Variants in ZNF283 observed in about 807,000 individuals in gnomAD.
ZNF283 encodes the protein zinc finger protein 283.
A neutral mutation model predicts 9.2 loss-of-function variants in ZNF283; 10 were observed. The ratio of observed to expected loss-of-function variants is 1.09; its 90% CI spans 0.67 to 1.85. The LOEUF is 1.85. Ranked by LOEUF, ZNF283 falls within the 40% of genes most tolerant of loss-of-function variation. The pLI, the probability that ZNF283 is intolerant of heterozygous loss-of-function variation, is 0.00. For missense variants in ZNF283, 631 were observed against 760.1 expected, an observed-to-expected ratio of 0.83 and a Z score of 2.00; for synonymous variants, 234 against 244.1, an observed-to-expected ratio of 0.96 and a Z score of 0.38.
In ZNF283 at chr19:43,848,468, G is replaced by C; in HGVS notation, c.1867G>C (p.Gly623Arg). 1 of 1,613,726 alleles carries C rather than the reference G, an allele frequency of 6.2e-7. No homozygotes were observed. Among genetic ancestry groups the C allele is most frequent in the Non-Finnish European group, 8.5e-7 (1 of 1,179,698 alleles). ...TAGTGTTCATCAGAGATTTCATACT[G>C]GTGAGAAGCTTTATCAACGTAAGGA... Reference protein sequence around the residue: ...QLSVHQRFHTGEKLYQRKEFG... With the variant: ...QLSVHQRFHTREKLYQRKEFG... Residue 623 changes from glycine to arginine, a missense_variant, in exon 7 of 7, where the codon GGT becomes CGT. By Grantham distance (125) the Gly-to-Arg change is moderately radical. Coordinates refer to ENST00000618787, the MANE Select transcript of ZNF283 (RefSeq NM_181845.2).
rs1344817996 is a variant in ZNF283, at chr19:43,847,776, G to A, written c.1175G>A (p.Arg392Gln). The change falls in exon 7 of 7, where the codon CGA becomes CAA. Residue 392 changes from arginine to glutamine, a missense_variant. Around this residue, in one of 3 missense-constraint regions of ZNF283, gnomAD observed 444 missense variants for 522.5 expected, o/e 0.85. Transcript: ENST00000618787. Reference sequence around the variant, plus strand: ...TTTTGTTGGGGCTATCAACTTACTCGACATCAGATATTTCATACTGGTGAG... The same window carrying A: ...TTTTGTTGGGGCTATCAACTTACTCAACATCAGATATTTCATACTGGTGAG... ...KAFCWGYQLT[R>Q]HQIFHTGEKP... 8.1e-6 allele frequency: 13 copies of A among 1,608,210 alleles called. No homozygotes were observed. The highest frequency in any genetic ancestry group is 3.4e-5 in the Admixed American group (2 of 59,506).
chr19:43,834,607 T>C (rs1451383053), intron 4 of ZNF283, among the ~76,000 whole-genome samples: 1 of 151,854 alleles, frequency 6.6e-6, no homozygotes, highest in Non-Finnish European at 1.5e-5. Flanking sequence ...ATTTATTTAT[T>C]TTTTTCGAGA....
chr19:43,848,195 C>G lies in ZNF283; in HGVS notation c.1594C>G (p.Gln532Glu), dbSNP rs751287834. Residue 532 changes from glutamine to glutamate, a missense_variant, in exon 7 of 7, where the codon CAA becomes GAA. By Grantham distance (29) the Gln-to-Glu change is conservative. This residue lies in a region of ZNF283 where 444 missense variants were observed against 522.5 expected (regional missense o/e 0.85). Coordinates refer to ENST00000618787, the MANE Select transcript of ZNF283 (RefSeq NM_181845.2). ...TTTTAATTGTGGATCAAGCCTTGTT[C>G]AACATGAAAGAATCCATACAGGGGA... The part of the protein sequence containing the change: ...KAFNCGSSLV[Q>E]HERIHTGEKP... 1 of 1,613,186 alleles carries G rather than the reference C, an allele frequency of 6.2e-7. No individual in the cohort carries two copies. The highest frequency in any genetic ancestry group is 8.5e-7 in the Non-Finnish European group (1 of 1,179,744).
intron 6 of ZNF283, chr19:43,841,106 T>G (rs1971193348): frequency 6.6e-6 from 1 of 152,202 alleles, no homozygotes; most frequent in Non-Finnish European, 1.5e-5. Flanking sequence ...ACATATTCAT[T>G]TAATGTCACT....
chr19:43,830,158 T>C (rs576342701), intron 2 of ZNF283, among the ~76,000 whole-genome samples: 60 of 152,326 alleles, frequency 3.9e-4, no homozygotes, highest in Middle Eastern at 3.4e-3. Flanking sequence ...CACTGTAGCC[T>C]TGGCCTCCTA....
At chr19:43,834,271 AAAAT>A (rs1349555300) in intron 4 of ZNF283, among the ~76,000 whole-genome samples, 1 of 152,126 alleles carries the variant, frequency 6.6e-6, no homozygotes, top group Non-Finnish European at 1.5e-5. Context: ...GGGGAACAAA[AAAAT>A]AAATAAAACC....
chr19:43,844,133 G>A (rs1201144795), intron 6 of ZNF283, among the ~76,000 whole-genome samples: 1 of 152,068 alleles, frequency 6.6e-6, no homozygotes, highest in African/African-American at 2.4e-5. Context: ...AATCATTTAT[G>A]TTAACAGTTA....
In ZNF283 at chr19:43,848,640, G is replaced by T; in HGVS notation, c.2039G>T (p.Ter680LeuextTer52). The change falls in exon 7 of 7, where the codon TGA (stop) becomes TTA (leucine). Residue 680 changes from the stop codon to leucine (L), a stop_lost. Coordinates refer to ENST00000618787, the MANE Select transcript of ZNF283 (RefSeq NM_181845.2). ...NEKIDTDETL[*>L] Reference sequence around the variant, plus strand: ...AAAATTGATACTGATGAAACCTTATGATTGAAAGTTGTAAAAGAATATTTT... The same window carrying T: ...AAAATTGATACTGATGAAACCTTATTATTGAAAGTTGTAAAAGAATATTTT... 1 of 1,538,444 alleles carries T rather than the reference G, an allele frequency of 6.5e-7. No homozygotes were observed. Among genetic ancestry groups the T allele is most frequent in the South Asian group, 1.3e-5 (1 of 76,860 alleles).
chr19:43,846,655 A>G (rs1206677324), intron 6 of ZNF283, among the ~76,000 whole-genome samples: 1 of 152,190 alleles, frequency 6.6e-6, no homozygotes, highest in Non-Finnish European at 1.5e-5. Context: ...TAAGGGCTTG[A>G]TTGATGGAAG....
chr19:43,831,406 A>C (rs1202018425), intron 3 of ZNF283, 25 bp downstream of exon 3: 1 of 1,583,986 alleles, frequency 6.3e-7, no homozygotes, highest in Non-Finnish European at 8.5e-7. Flanking sequence ...TTTCAGGCCC[A>C]CTGATTTTCA....
chr19:43,847,574 G>A lies in ZNF283; in HGVS notation c.973G>A (p.Gly325Arg), dbSNP rs772783546. The A allele has an allele frequency of 6.8e-6, 11 of 1,608,280 alleles. No homozygotes were observed. Among genetic ancestry groups the A allele is most frequent in the South Asian group, 2.2e-5 (2 of 90,808 alleles). Residue 325 changes from glycine to arginine, a missense_variant, in exon 7 of 7, where the codon GGG becomes AGG. Around this residue, in one of 3 missense-constraint regions of ZNF283, gnomAD observed 444 missense variants for 522.5 expected, o/e 0.85. Transcript: ENST00000618787. ...GAAATCTTATAAATGTAAGGAATGT[G>A]GGAAGGCCTTTTTTTGGGGCTCAAG... is the stretch of plus-strand genomic sequence containing the variant. ...GVKSYKCKEC[G>R]KAFFWGSSLA... is the part of the protein sequence containing the mutation.
chr19:43,830,531 A>G (rs1323129437), intron 2 of ZNF283, among the ~76,000 whole-genome samples: 1 of 152,158 alleles, frequency 6.6e-6, no homozygotes, highest in Non-Finnish European at 1.5e-5. Context: ...GAGATTATCA[A>G]AAGTGACCAT....
In ZNF283 at chr19:43,847,603, T is replaced by G. The variant is rs752774134; in HGVS notation, c.1002T>G (p.Leu334=). The G allele has an allele frequency of 6.2e-7, 1 of 1,613,426 alleles. No individual in the cohort carries two copies. Among genetic ancestry groups the G allele is most frequent in the Admixed American group, 1.7e-5 (1 of 59,922 alleles). Residue 334 remains leucine, a synonymous_variant, in exon 7 of 7, where the codon CTT becomes CTG. Transcript: ENST00000618787. ...CGKAFFWGSS[L]AKHEIIHTGE... ...AGGCCTTTTTTTGGGGCTCAAGCCT[T>G]GCTAAACATGAGATAATTCATACAG...
At chr19:43,841,537 A>G (rs895736103) in intron 6 of ZNF283, 40 of 151,580 alleles carry the variant, frequency 2.6e-4, no homozygotes, top group African/African-American at 9.7e-4. Context: ...GGTTCAAGCA[A>G]TTCTCGTGCC....
intron 6 of ZNF283, 43 bp from the exon 7 acceptor site, chr19:43,846,894 CCT>C: frequency 9.0e-7 from 1 of 1,106,076 alleles, no homozygotes; most frequent in Non-Finnish European, 1.2e-6. Flanking sequence ...TTTTTTTTTC[CCT>C]AGTGAAGGAA....
In ZNF283 at chr19:43,849,924, G is replaced by C. The variant is rs971052880; in HGVS notation, c.*1283G>C. On this transcript the variant is annotated 3_prime_UTR_variant, in exon 7 of 7. Transcript: ENST00000618787. The stretch of plus-strand genomic sequence containing the variant: ...GTGAATTCTTAGGAGAGGCACAACC[G>C]TTTTGAGGAATGAATTCAGAAAAGC... The C allele has an allele frequency of 6.6e-6, 1 of 152,104 alleles. No individual in the cohort carries two copies. The highest frequency in any genetic ancestry group is 2.1e-4 in the South Asian group (1 of 4,822). 9.4% of individuals were successfully genotyped at this position (152,104 alleles called of 1,614,324 possible).
rs1290209036 is a variant in ZNF283 at position 43,847,941 on chromosome 19, C to A, written c.1340C>A (p.Ser447Tyr). 6.2e-7 allele frequency: 1 copy of A among 1,613,624 alleles called. No individual in the cohort carries two copies. The change falls in exon 7 of 7, where the codon TCT (serine) becomes TAT (tyrosine). Residue 447 changes from serine to tyrosine, a missense_variant. Ser to Tyr is a moderately radical substitution (Grantham distance 144). Coordinates refer to ENST00000618787, the MANE Select transcript of ZNF283 (RefSeq NM_181845.2). ...GKAFSRGYHLSQHQKIHTGEK... is the reference protein window; with the variant it reads ...GKAFSRGYHLYQHQKIHTGEK... ...GCCTTTAGTCGTGGCTATCACCTTTCTCAACATCAGAAAATCCATACTGGT... is the reference window on the plus strand; with the variant it reads ...GCCTTTAGTCGTGGCTATCACCTTTATCAACATCAGAAAATCCATACTGGT...
In ZNF283 at chr19:43,848,283, ATCAGAAAATTCATACCG is replaced by A; in HGVS notation, c.1683_1699del (p.His561GlnfsTer2). On this transcript the variant is annotated frameshift_variant, in exon 7 of 7. Transcript: ENST00000618787. LOFTEE classifies it low-confidence loss of function (END_TRUNC). ...AGTCGTGGCTATCACCTTACTCAAC[ATCAGAAAATTCATACCG>A]GTGAGAAACCTTTCAAATGTAAGGA... 6.2e-7 allele frequency: 1 copy of A among 1,613,372 alleles called. No individual in the cohort carries two copies. Among genetic ancestry groups the A allele is most frequent in the Non-Finnish European group, 8.5e-7 (1 of 1,179,790 alleles).
intron 5 of ZNF283, among the ~76,000 whole-genome samples, chr19:43,835,906 T>G (rs1202474174): frequency 6.6e-6 from 1 of 152,212 alleles, no homozygotes; most frequent in Admixed American, 6.5e-5. Flanking sequence ...GAAGTCATTT[T>G]GTCGTCAACC....
Sources: gnomAD v4.1 joint callset for allele counts (sites outside exome capture counted in the v4.1 genomes callset) on GRCh38, gnomAD v4.1.1 for gene constraint, gnomAD v4.1.1 regional missense constraint, MANE v1.5 for transcripts, NCBI Gene and HGNC (gene_info 2026-07-23, HGNC 2026-07-21) for gene names.